The following TBCEL variants were observed in gnomAD, a reference collection of about 807,000 sequenced individuals.
TBCEL encodes tubulin-specific chaperone cofactor E-like protein.
Under a neutral mutation model 44.2 loss-of-function variants are expected in TBCEL, and 15 were observed. The observed-to-expected ratio is 0.34, with a 90% CI of 0.23 to 0.52. The LOEUF is 0.52. TBCEL is among the 20% of genes least tolerant of loss of function. The pLI is 0.95. For missense variants in TBCEL, 319 were observed against 506.3 expected (o/e 0.63, Z 3.55); for synonymous variants, 171 against 185.4 (o/e 0.92, Z 0.63).
At chr11:121,029,996 A>G (rs1945115462) in intron 1 of TBCEL, among the ~76,000 whole-genome samples, 1 of 152,216 alleles carries the variant, frequency 6.6e-6, no homozygotes, top group Admixed American at 6.5e-5. Flanking sequence ...ACGGATTATG[A>G]TAAGTGCTAT....
intron 8 of TBCEL, among the ~76,000 whole-genome samples, chr11:121,075,774 G>A (rs1051125694): frequency 6.6e-5 from 10 of 151,858 alleles, no homozygotes; most frequent in Non-Finnish European, 1.0e-4. Context: ...ATCATTAGGC[G>A]ATTTTGTCAT....
At chr11:121,067,588 T>G (rs1945843513) in intron 8 of TBCEL, among the ~76,000 whole-genome samples, 1 of 152,228 alleles carries the variant, frequency 6.6e-6, no homozygotes, top group East Asian at 1.9e-4. Flanking sequence ...TTCTTGGCCT[T>G]TGACCATCAT....
At chr11:121,044,654 G>T (rs1473532847) in intron 2 of TBCEL, among the ~76,000 whole-genome samples, 1 of 152,072 alleles carries the variant, frequency 6.6e-6, no homozygotes, top group Non-Finnish European at 1.5e-5. Flanking sequence ...TCATAGGCCA[G>T]CCCCTTAAGT....
intron 8 of TBCEL, among the ~76,000 whole-genome samples, chr11:121,081,340 T>C (rs545136228): frequency 3.3e-5 from 5 of 152,350 alleles, no homozygotes; most frequent in South Asian, 4.1e-4. Flanking sequence ...CGGCGTACTT[T>C]ACATTTTAGC....
intron 8 of TBCEL, among the ~76,000 whole-genome samples, chr11:121,081,251 A>AT (rs1011617606): frequency 1.5e-4 from 23 of 151,324 alleles, no homozygotes; most frequent in Admixed American, 2.6e-4. Context: ...TTTGTAGTAA[A>AT]TTTTTTTTTA....
chr11:121,045,074 C>T (rs576988541), intron 2 of TBCEL, among the ~76,000 whole-genome samples: 4 of 152,114 alleles, frequency 2.6e-5, no homozygotes, highest in Admixed American at 1.3e-4. Context: ...GTTTTCTAGG[C>T]AACAGATGGA....
At chr11:121,031,095 C>G (rs1945135176) in intron 1 of TBCEL, among the ~76,000 whole-genome samples, 1 of 152,260 alleles carries the variant, frequency 6.6e-6, no homozygotes, top group Admixed American at 6.5e-5. Context: ...TGCATTCCCC[C>G]CCACCGCAAT....
At chr11:121,083,857 G>A (rs905101085) in intron 8 of TBCEL, among the ~76,000 whole-genome samples, 3 of 152,066 alleles carry the variant, frequency 2.0e-5, no homozygotes, top group African/African-American at 7.2e-5. Context: ...TGGTGCCTTA[G>A]TTCATTTTGT....
At position 121,084,092 on chromosome 11, in the gene TBCEL, A is replaced by G. The variant is rs980123373; in HGVS notation, c.957-2686A>G. ...CCTCTATAACAGCGTTAATCTATTC[A>G]TGAAGGCAGAGCCCTTGTGACCTAG... On this transcript the variant is annotated intron_variant, in intron 8 of 8. Transcript: ENST00000683345. Among the ~76,000 whole-genome samples, 4 of 152,188 alleles carry G rather than the reference A, an allele frequency of 2.6e-5. No individual in the cohort carries two copies. The East Asian group carries it at 7.7e-4, about 29-fold the overall frequency.
intron 1 of TBCEL, among the ~76,000 whole-genome samples, chr11:121,025,716 A>ATT (rs35047977): frequency 0.16 from 22,408 of 144,050 alleles, 1,831 homozygotes; most frequent in East Asian, 0.3. Context: ...AAGGAGATGG[A>ATT]TTTTTTTTTT....
intron 1 of TBCEL, among the ~76,000 whole-genome samples, chr11:121,027,309 T>C (rs1171764165): frequency 1.3e-5 from 2 of 152,220 alleles, no homozygotes; most frequent in African/African-American, 4.8e-5. Context: ...TTTTTCATGC[T>C]ACCCATTCTG....
intron 1 of TBCEL, among the ~76,000 whole-genome samples, chr11:121,031,297 C>T (rs1345764696): frequency 6.6e-6 from 1 of 152,194 alleles, no homozygotes; most frequent in Non-Finnish European, 1.5e-5. Flanking sequence ...CCAGTTGATA[C>T]TCCCACTGGC....
chr11:121,065,199 C>A (rs1158104656), intron 8 of TBCEL, among the ~76,000 whole-genome samples: 2 of 152,154 alleles, frequency 1.3e-5, no homozygotes. Context: ...TTGTAATTAA[C>A]CCTACTGAGC....
Position 121,036,496 on chromosome 11 carries a change from A to G in TBCEL, c.-125-9A>G, listed in dbSNP as rs1275832149. The G allele has an allele frequency of 1.3e-5, 2 of 152,170 alleles. No individual in the cohort carries two copies. Among genetic ancestry groups the G allele is most frequent in the South Asian group, 2.1e-4 (1 of 4,834 alleles). The allele number at this position is 152,170 out of a possible 1,614,324, so 9.4% of individuals were successfully genotyped here. A position where few individuals can be genotyped will look rare whatever the true frequency, so the allele number is the denominator to read the frequency against. ...AGTATATGCAAAGTGTTTTTGTCTT[A>G]TATTTCAGAATGTCTAATTTAATAG... is the stretch of plus-strand genomic sequence containing the variant. On this transcript the variant is annotated splice_polypyrimidine_tract_variant and intron_variant, in intron 1 of 8. Transcript: ENST00000683345.
chr11:121,084,353 C>T (rs1332785701), intron 8 of TBCEL, among the ~76,000 whole-genome samples: 2 of 151,908 alleles, frequency 1.3e-5, no homozygotes, highest in Non-Finnish European at 2.9e-5. Context: ...TATCATTTGT[C>T]TTTGAGCGCT....
At chr11:121,071,976 C>G (rs751263343) in intron 8 of TBCEL, among the ~76,000 whole-genome samples, 1 of 152,092 alleles carries the variant, frequency 6.6e-6, no homozygotes, top group East Asian at 1.9e-4. Flanking sequence ...TGACAAGGGC[C>G]GTGACACAGC....
At chr11:121,065,082 T>C (rs1945796158) in intron 8 of TBCEL, among the ~76,000 whole-genome samples, 1 of 152,174 alleles carries the variant, frequency 6.6e-6, no homozygotes, top group Non-Finnish European at 1.5e-5. Flanking sequence ...TGCCTCGGCC[T>C]CCCAAAGTGC....
chr11:121,036,710 A>G (rs1193447206), intron 2 of TBCEL, 98 bp downstream of exon 2: 1 of 152,108 alleles, frequency 6.6e-6, no homozygotes, highest in Non-Finnish European at 1.5e-5. Context: ...TGGATCAGAA[A>G]TTTCAAGGGC....
At chr11:121,060,940 T>C (rs1041873218) in intron 8 of TBCEL, among the ~76,000 whole-genome samples, 5 of 152,038 alleles carry the variant, frequency 3.3e-5, no homozygotes, top group African/African-American at 1.2e-4. Context: ...TTCATTCTTA[T>C]TGAATGTGTC....
Sources: gnomAD v4.1 joint callset for allele counts (sites outside exome capture counted in the v4.1 genomes callset) on GRCh38, gnomAD v4.1.1 for gene constraint, MANE v1.5 for transcripts, NCBI Gene and HGNC (gene_info 2026-07-23, HGNC 2026-07-21) for gene names.